The following MDGA2 variants were observed in gnomAD, a reference collection of about 807,000 sequenced individuals.
MDGA2 encodes MAM domain containing glycosylphosphatidylinositol anchor 2.
A neutral mutation model predicts 117.8 loss-of-function variants in MDGA2; 40 were observed. That is an observed-to-expected ratio of 0.34 (90% CI 0.26 to 0.44). The LOEUF (loss-of-function observed/expected upper bound fraction) is 0.44. Ranked by LOEUF, MDGA2 falls within the 20% of genes least tolerant of loss-of-function variation. The pLI is 1.00. For synonymous variants in MDGA2, 452 were observed against 439.0 expected, an observed-to-expected ratio of 1.03 and a Z score of -0.37; for missense variants, 1,123 against 1,250.6, an observed-to-expected ratio of 0.90 and a Z score of 1.54.
intron 1 of MDGA2, among the ~76,000 whole-genome samples, chr14:47,542,104 G>A (rs1895365125): frequency 6.6e-6 from 1 of 152,080 alleles, no homozygotes; most frequent in African/African-American, 2.4e-5. Context: ...CACAAAGATA[G>A]GAAAACCATG....
chr14:47,067,172 A>G (rs1890117274), intron 6 of MDGA2, among the ~76,000 whole-genome samples: 1 of 152,166 alleles, frequency 6.6e-6, no homozygotes, highest in African/African-American at 2.4e-5. Flanking sequence ...AAAATTGACT[A>G]TATGAAAAAA....
intron 2 of MDGA2, among the ~76,000 whole-genome samples, chr14:47,222,357 C>T (rs549559068): frequency 2.6e-5 from 4 of 151,992 alleles, no homozygotes; most frequent in Admixed American, 2.0e-4. Context: ...GAGAGAAAGA[C>T]ATCACTTTTT....
At chr14:47,460,884 T>A (rs1461389475) in intron 1 of MDGA2, among the ~76,000 whole-genome samples, 3 of 152,222 alleles carry the variant, frequency 2.0e-5, no homozygotes, top group Non-Finnish European at 2.9e-5. Context: ...TGAGAGCATA[T>A]ATTAATGTTG....
At chr14:47,204,294 C>T (rs1022581238) in intron 3 of MDGA2, among the ~76,000 whole-genome samples, 3 of 151,868 alleles carry the variant, frequency 2.0e-5, no homozygotes, top group African/African-American at 7.2e-5. Context: ...GAAAATTAAG[C>T]AGCAACAATT....
intron 1 of MDGA2, among the ~76,000 whole-genome samples, chr14:47,471,252 G>GA (rs1893722111): frequency 6.8e-6 from 1 of 147,848 alleles, no homozygotes; most frequent in Admixed American, 6.8e-5. Flanking sequence ...TATTAATGGA[G>GA]TTTTTTTTTT....
chr14:47,512,853 A>G (rs916772719), intron 1 of MDGA2, among the ~76,000 whole-genome samples: 6 of 152,020 alleles, frequency 3.9e-5, no homozygotes, highest in African/African-American at 1.5e-4. Flanking sequence ...GATCTTTTCT[A>G]GCTCTCAACC....
chr14:47,096,795 T>C (rs566305760), intron 6 of MDGA2, 59 bp downstream of exon 6: 2 of 1,539,232 alleles, frequency 1.3e-6, no homozygotes, highest in Admixed American at 1.8e-5. Context: ...CAACCATTAT[T>C]TGCTTTTTGA....
At chr14:46,882,675 A>T (rs2138393097) in intron 10 of MDGA2, among the ~76,000 whole-genome samples, 1 of 152,006 alleles carries the variant, frequency 6.6e-6, no homozygotes, top group South Asian at 2.1e-4. Context: ...TAACTTTTCA[A>T]GTTTATTAAA....
At chr14:47,135,388 A>G (rs1882402742) in intron 4 of MDGA2, among the ~76,000 whole-genome samples, 1 of 152,150 alleles carries the variant, frequency 6.6e-6, no homozygotes, top group Non-Finnish European at 1.5e-5. Flanking sequence ...AAAAGAAAAA[A>G]AGCAAACTTA....
At chr14:47,006,852 G>A (rs914853327) in intron 8 of MDGA2, among the ~76,000 whole-genome samples, 2 of 151,498 alleles carry the variant, frequency 1.3e-5, no homozygotes, top group African/African-American at 4.8e-5. Flanking sequence ...ATTTTAGCTA[G>A]GTAGATGTAA....
In MDGA2 at chr14:46,932,235, ATTTTC is replaced by A. The variant is rs932400516; in HGVS notation, c.2090-12080_2090-12076del. Among the ~76,000 whole-genome samples the A allele has an allele frequency of 4.3e-4, 65 of 151,960 alleles. 2 individuals are homozygous for A. Among genetic ancestry groups the A allele is most frequent in the Non-Finnish European group, 1.5e-5 (1 of 67,976 alleles). ...AGTAATTAAAATTATGGCAACTTCA[ATTTTC>A]TTTTCCTAAATTAAAAAAAAAGAAA... On this transcript the variant is annotated intron_variant, in intron 9 of 16. Transcript: ENST00000399232.
At chr14:47,508,252 A>G (rs1894557537) in intron 1 of MDGA2, among the ~76,000 whole-genome samples, 1 of 151,880 alleles carries the variant, frequency 6.6e-6, no homozygotes, top group Non-Finnish European at 1.5e-5. Flanking sequence ...CTCTATTTTT[A>G]CTATACTGGT....
intron 8 of MDGA2, among the ~76,000 whole-genome samples, chr14:46,979,481 T>C (rs775500305): frequency 5.9e-5 from 9 of 152,116 alleles, no homozygotes; most frequent in East Asian, 1.9e-4. Flanking sequence ...GATAAGCCAA[T>C]AGCTAAGCCT....
intron 6 of MDGA2, 25 bp downstream of exon 6, chr14:47,096,829 T>C (rs1255026093): frequency 6.2e-7 from 1 of 1,608,936 alleles, no homozygotes; most frequent in East Asian, 2.2e-5. Flanking sequence ...GAATCTACGT[T>C]GTAACATTCT....
chr14:47,217,992 A>T, intron 3 of MDGA2, 29 bp downstream of exon 3: 2 of 1,478,896 alleles, frequency 1.4e-6, no homozygotes, highest in Non-Finnish European at 1.8e-6. Flanking sequence ...TAATAGGCTT[A>T]ATTATAGTTT....
chr14:46,950,162 G>C (rs1399370067), intron 9 of MDGA2, among the ~76,000 whole-genome samples: 2 of 151,840 alleles, frequency 1.3e-5, no homozygotes, highest in African/African-American at 4.8e-5. Flanking sequence ...ATATATTTTA[G>C]TAATAAGTGA....
chr14:46,905,513 A>T (rs1335615652), intron 10 of MDGA2, among the ~76,000 whole-genome samples: 1 of 152,216 alleles, frequency 6.6e-6, no homozygotes, highest in African/African-American at 2.4e-5. Flanking sequence ...CACAGTAAAC[A>T]ATGCACATAT....
intron 1 of MDGA2, among the ~76,000 whole-genome samples, chr14:47,561,152 T>TTTTTTG (rs770132333): frequency 2.3e-5 from 2 of 86,002 alleles, no homozygotes; most frequent in African/African-American, 7.5e-5. Context: ...TTTTTTTTTT[T>TTTTTTG]GTTTTGTTTT....
intron 1 of MDGA2, among the ~76,000 whole-genome samples, chr14:47,317,911 T>C (rs1324146586): frequency 5.3e-5 from 8 of 152,114 alleles, no homozygotes; most frequent in South Asian, 2.1e-4. Flanking sequence ...ATATATCCAA[T>C]TGAATTCACG....
Sources: allele counts gnomAD v4.1 joint callset (sites outside exome capture counted in the v4.1 genomes callset), GRCh38; gene constraint gnomAD v4.1.1; transcripts MANE v1.5; gene names NCBI Gene and HGNC (gene_info 2026-07-23, HGNC 2026-07-21).